The following SLC9B1 variants were observed in gnomAD, a reference collection of about 807,000 sequenced individuals.
The protein encoded by SLC9B1 is solute carrier family 9 member B1.
SLC9B1 carries 32 observed loss-of-function variants against 51.7 expected under a neutral mutation model. The ratio of observed to expected loss-of-function variants is 0.62; its 90% CI spans 0.47 to 0.83. SLC9B1 has a LOEUF of 0.83. SLC9B1 is among the 40% of genes least tolerant of loss of function. The pLI is 0.00. For synonymous variants in SLC9B1, 145 were observed against 212.7 expected, an observed-to-expected ratio of 0.68 and a Z score of 2.77; for missense variants, 406 against 613.2, an observed-to-expected ratio of 0.66 and a Z score of 3.57.
At chr4:102,933,933 G>T (rs1343874735) in intron 6 of SLC9B1, among the ~76,000 whole-genome samples, 2 of 152,156 alleles carry the variant, frequency 1.3e-5, no homozygotes, top group East Asian at 3.8e-4. Context: ...ACCACGTCTG[G>T]CTAGTTTTTG....
intron 3 of SLC9B1, among the ~76,000 whole-genome samples, chr4:102,987,483 T>C (rs1739690913): frequency 6.6e-6 from 1 of 152,054 alleles, no homozygotes; most frequent in African/African-American, 2.4e-5. Context: ...AACTGAAAAA[T>C]CAACAACTCT....
chr4:102,957,576 C>T (rs1026860303), intron 3 of SLC9B1, among the ~76,000 whole-genome samples: 4 of 152,044 alleles, frequency 2.6e-5, no homozygotes, highest in Non-Finnish European at 5.9e-5. Flanking sequence ...TTAAATGATC[C>T]TTCAAAAATG....
chr4:102,956,286 T>C (rs1398304269), intron 3 of SLC9B1, among the ~76,000 whole-genome samples: 1 of 145,790 alleles, frequency 6.9e-6, no homozygotes, highest in Admixed American at 7.0e-5. Context: ...ATCCATTCAC[T>C]ATAATAAATT....
intron 7 of SLC9B1, among the ~76,000 whole-genome samples, chr4:102,924,005 C>T (rs550684261): frequency 2.4e-4 from 36 of 152,242 alleles, no homozygotes; most frequent in African/African-American, 7.7e-4. Context: ...AGATTCAATG[C>T]CATCCCCATC....
chr4:102,929,817 C>T (rs1252477592), intron 7 of SLC9B1, among the ~76,000 whole-genome samples: 2 of 152,118 alleles, frequency 1.3e-5, no homozygotes, highest in African/African-American at 2.4e-5. Context: ...CCATTGGGCC[C>T]GGCCTGGAAA....
In SLC9B1 at chr4:102,901,113, C is replaced by T. The variant is rs1280963054; in HGVS notation, c.*4G>A. 2 of 1,610,540 alleles carry T rather than the reference C, an allele frequency of 1.2e-6. No individual in the cohort carries two copies. The highest frequency in any genetic ancestry group is 1.7e-6 in the Non-Finnish European group (2 of 1,179,634). ...AAGCAGGCAGATGATGACAGGTAAA[C>T]TTTTTAATGATGTTCTAATGTTGAC... is the stretch of plus-strand genomic sequence containing the variant. On this transcript the variant is annotated 3_prime_UTR_variant, in exon 12 of 12. Coordinates refer to ENST00000296422, the MANE Select transcript of SLC9B1 (RefSeq NM_139173.4).
At chr4:102,890,566 G>A (rs1734189812) in intron 11 of SLC9B1, 1 of 152,042 alleles carries the variant, frequency 6.6e-6, no homozygotes, top group African/African-American at 2.4e-5. Context: ...TTGGCTTGGT[G>A]CAGTGACGAC....
intron 1 of SLC9B1, among the ~76,000 whole-genome samples, chr4:103,005,208 A>G (rs762813479): frequency 6.6e-6 from 1 of 151,964 alleles, no homozygotes; most frequent in Non-Finnish European, 1.5e-5. Context: ...CTCACATGCA[A>G]TGATAACTAT....
At chr4:102,959,246 A>G (rs1459626797) in intron 3 of SLC9B1, among the ~76,000 whole-genome samples, 1 of 152,052 alleles carries the variant, frequency 6.6e-6, no homozygotes, top group Non-Finnish European at 1.5e-5. Context: ...ACACACACAC[A>G]CACACACACA....
chr4:103,019,497 G>A (rs560104316), intron 1 of SLC9B1, 102 bp downstream of exon 1: 18 of 801,568 alleles, frequency 2.2e-5, no homozygotes, highest in Non-Finnish European at 2.4e-5. Context: ...CTGAGGGGGA[G>A]GAAAGGCCCT....
At chr4:103,008,049 A>G (rs1740882484) in intron 1 of SLC9B1, among the ~76,000 whole-genome samples, 1 of 152,222 alleles carries the variant, frequency 6.6e-6, no homozygotes, top group African/African-American at 2.4e-5. Context: ...TTACATATAA[A>G]TGATCAGCTC....
At chr4:102,970,439 G>A (rs1252322570) in intron 3 of SLC9B1, among the ~76,000 whole-genome samples, 1 of 152,180 alleles carries the variant, frequency 6.6e-6, no homozygotes, top group East Asian at 1.9e-4. Flanking sequence ...AGCAAATGCT[G>A]AGAGATTTTG....
intron 7 of SLC9B1, among the ~76,000 whole-genome samples, chr4:102,921,999 C>G (rs1373361364): frequency 6.6e-6 from 1 of 152,156 alleles, no homozygotes; most frequent in African/African-American, 2.4e-5. Flanking sequence ...TTAGAAAGAT[C>G]AAGAAGACAG....
In SLC9B1 at chr4:102,916,703, A is replaced by C. The variant is rs911306009; in HGVS notation, c.830-5166T>G. Among the ~76,000 whole-genome samples, 15 of 152,234 alleles carry C rather than the reference A, an allele frequency of 9.9e-5. 1 individual carries two copies. Among genetic ancestry groups the C allele is most frequent in the Admixed American group, 1.3e-4 (2 of 15,284 alleles). On this transcript the variant is annotated intron_variant, in intron 7 of 11. Coordinates refer to ENST00000296422, the MANE Select transcript of SLC9B1 (RefSeq NM_139173.4). Reference sequence around the variant, plus strand: ...GCTAGTCCACAAACAAGTTTTTAAAAATTTAAGAAAACTGAACTCATACCA... The same window carrying C: ...GCTAGTCCACAAACAAGTTTTTAAACATTTAAGAAAACTGAACTCATACCA...
chr4:102,933,196 C>T (rs1736549033), intron 6 of SLC9B1, among the ~76,000 whole-genome samples: 1 of 152,218 alleles, frequency 6.6e-6, no homozygotes. Context: ...TTCTAGAACC[C>T]TTGTCCTGCT....
chr4:102,980,601 G>A (rs1361037876), intron 3 of SLC9B1, among the ~76,000 whole-genome samples: 1 of 152,114 alleles, frequency 6.6e-6, no homozygotes, highest in East Asian at 1.9e-4. Flanking sequence ...GAGGGACGGA[G>A]AGCATTAGGA....
chr4:102,887,609 AT>A (rs1354238509), intron 11 of SLC9B1: 1 of 471,852 alleles, frequency 2.1e-6, no homozygotes, highest in Non-Finnish European at 3.8e-6. Context: ...CAAGCCTCTT[AT>A]TCTGACTTCA....
chr4:102,928,451 G>A (rs1212805619), intron 7 of SLC9B1, among the ~76,000 whole-genome samples: 2 of 152,160 alleles, frequency 1.3e-5, no homozygotes, highest in African/African-American at 4.8e-5. Context: ...TTCGGTCAAA[G>A]CCATTCAACA....
chr4:102,956,255 C>A (rs1737806938), intron 3 of SLC9B1, among the ~76,000 whole-genome samples: 1 of 151,634 alleles, frequency 6.6e-6, no homozygotes, highest in Non-Finnish European at 1.5e-5. Flanking sequence ...CAACTTTTTC[C>A]CTTTGCTAAT....
Sources: allele counts gnomAD v4.1 joint callset (sites outside exome capture counted in the v4.1 genomes callset), GRCh38; gene constraint gnomAD v4.1.1; transcripts MANE v1.5; gene names NCBI Gene and HGNC (gene_info 2026-07-23, HGNC 2026-07-21).